KCNIP4: variants seen among roughly 807,000 people sequenced by gnomAD.
KCNIP4 encodes potassium voltage-gated channel interacting protein 4.
KCNIP4 carries 12 observed loss-of-function variants against 34.0 expected under a neutral mutation model. The ratio of observed to expected loss-of-function variants is 0.35; its 90% CI spans 0.23 to 0.57. The LOEUF (loss-of-function observed/expected upper bound fraction) is 0.57, where lower values mean the gene tolerates loss of function less well. Ranked by LOEUF, KCNIP4 falls within the 20% of genes least tolerant of loss-of-function variation. The pLI, the probability that KCNIP4 is intolerant of heterozygous loss-of-function variation, is 0.83. For missense variants in KCNIP4, 238 were observed against 311.7 expected (o/e 0.76, Z 1.78); for synonymous variants, 124 against 102.2 (o/e 1.21, Z -1.29).
In KCNIP4 at chr4:20,937,222, CTTTTTTTTTT is replaced by C. The variant is rs397992488; in HGVS notation, c.62-54523_62-54514del. Among the ~76,000 whole-genome samples the C allele has an allele frequency of 9.9e-3, 452 of 45,514 alleles. 4 individuals are homozygous for C. The highest frequency in any genetic ancestry group is 0.036 in the African/African-American group (427 of 11,926). The allele number at this position is 45,514 out of a possible 152,430, so 29.9% of individuals were successfully genotyped here. A position where few individuals can be genotyped will look rare whatever the true frequency, so the allele number is the denominator to read the frequency against. On this transcript the variant is annotated intron_variant, in intron 1 of 8. Transcript: ENST00000382152. The stretch of plus-strand genomic sequence containing the variant: ...TGAGCAAAAGGTGCCCCCAAGGAGT[CTTTTTTTTTT>C]TTTTTTTTTTTTTTTTTTTTGAGAC...
intron 1 of KCNIP4, among the ~76,000 whole-genome samples, chr4:21,491,259 A>G (rs763338517): frequency 3.3e-5 from 5 of 152,112 alleles, no homozygotes; most frequent in African/African-American, 9.7e-5. Context: ...TTTCTGGCCC[A>G]TGAAAACTTC....
At chr4:21,507,868 T>A (rs1733978118) in intron 1 of KCNIP4, among the ~76,000 whole-genome samples, 1 of 152,198 alleles carries the variant, frequency 6.6e-6, no homozygotes, top group African/African-American at 2.4e-5. Context: ...GGGCCCAGTT[T>A]ATGTGCAAGA....
At position 21,250,697 on chromosome 4, in the gene KCNIP4, C is replaced by T. The variant is rs530817705; in HGVS notation, c.62-367988G>A. On this transcript the variant is annotated intron_variant, in intron 1 of 8. Transcript: ENST00000382152. ...TTATGGGATGGAGGATTTAACAGAG[C>T]TGTGATTTAGAATTAATTGTTTGCT... 3.3e-5 allele frequency among the ~76,000 whole-genome samples: 5 copies of T among 151,992 alleles called. No homozygotes were observed. In the East Asian group the frequency reaches 9.7e-4, roughly 29 times the overall value.
rs146386168 is a variant in KCNIP4, at chr4:21,594,685, C to T, written c.61+353886G>A. 3.2e-3 allele frequency among the ~76,000 whole-genome samples: 482 copies of T among 151,798 alleles called. 3 individuals carry two copies. Among genetic ancestry groups the T allele is most frequent in the African/African-American group, 0.011 (460 of 41,260 alleles). On this transcript the variant is annotated intron_variant, in intron 1 of 8. Transcript: ENST00000382152. ...TTTGATCTCAGGAAGAAAAATGCTG[C>T]TCAGAGATAAAGATAATTTAAAAAT...
intron 1 of KCNIP4, among the ~76,000 whole-genome samples, chr4:21,595,894 G>T (rs1369103567): frequency 6.6e-6 from 1 of 152,060 alleles, no homozygotes; most frequent in East Asian, 1.9e-4. Context: ...GGAAAACTGA[G>T]AATCCCCAGG....
At chr4:21,336,340 C>T (rs1716178385) in intron 1 of KCNIP4, among the ~76,000 whole-genome samples, 1 of 151,988 alleles carries the variant, frequency 6.6e-6, no homozygotes. Context: ...CTGAGGGGTT[C>T]CCTAGAGTTA....
At chr4:21,579,567 T>C (rs1414134492) in intron 1 of KCNIP4, among the ~76,000 whole-genome samples, 1 of 152,134 alleles carries the variant, frequency 6.6e-6, no homozygotes, top group East Asian at 1.9e-4. Flanking sequence ...CCATGGATTG[T>C]TTCTCATCAT....
chr4:21,233,760 C>A (rs571276049), intron 1 of KCNIP4, among the ~76,000 whole-genome samples: 3 of 147,716 alleles, frequency 2.0e-5, no homozygotes, highest in South Asian at 4.2e-4. Context: ...ATCCACTGAC[C>A]TTCAAAATAT....
chr4:21,088,535 G>A (rs1746673811), intron 1 of KCNIP4, among the ~76,000 whole-genome samples: 1 of 151,910 alleles, frequency 6.6e-6, no homozygotes, highest in South Asian at 2.1e-4. Context: ...CCTTCTCATT[G>A]TCTATGAGAT....
At chr4:21,364,113 C>G (rs1719490443) in intron 1 of KCNIP4, among the ~76,000 whole-genome samples, 1 of 152,146 alleles carries the variant, frequency 6.6e-6, no homozygotes, top group South Asian at 2.1e-4. Context: ...TCATTGTTAA[C>G]ACTTAATTTC....
chr4:21,187,752 T>G (rs1755349158), intron 1 of KCNIP4, among the ~76,000 whole-genome samples: 1 of 152,090 alleles, frequency 6.6e-6, no homozygotes, highest in South Asian at 2.1e-4. Context: ...GATCATGCAC[T>G]CTCTATGCTC....
chr4:21,336,306 G>C (rs970676896), intron 1 of KCNIP4, among the ~76,000 whole-genome samples: 4 of 151,740 alleles, frequency 2.6e-5, no homozygotes, highest in Admixed American at 6.6e-5. Flanking sequence ...AAACATTCTT[G>C]TATCTATCTT....
At chr4:21,776,021 C>T (rs181654788) in intron 1 of KCNIP4, among the ~76,000 whole-genome samples, 1 of 152,336 alleles carries the variant, frequency 6.6e-6, no homozygotes, top group Admixed American at 6.5e-5. Context: ...AGCTGAGAGG[C>T]TGCAAGAATC....
intron 1 of KCNIP4, among the ~76,000 whole-genome samples, chr4:21,493,778 C>T (rs1467818631): frequency 6.6e-6 from 1 of 152,246 alleles, no homozygotes; most frequent in Non-Finnish European, 1.5e-5. Flanking sequence ...AGACTCCCTA[C>T]CATAATAAGA....
intron 1 of KCNIP4, among the ~76,000 whole-genome samples, chr4:21,170,976 G>T (rs545951911): frequency 6.6e-6 from 1 of 152,078 alleles, no homozygotes; most frequent in Non-Finnish European, 1.5e-5. Context: ...AAAGAGCTTT[G>T]CCTTAATATG....
intron 1 of KCNIP4, among the ~76,000 whole-genome samples, chr4:21,930,254 G>C (rs1438843342): frequency 6.6e-6 from 1 of 152,098 alleles, no homozygotes; most frequent in Non-Finnish European, 1.5e-5. Context: ...TTCTGATACA[G>C]ATTGTCTTCT....
At chr4:21,761,252 C>G (rs1718029118) in intron 1 of KCNIP4, among the ~76,000 whole-genome samples, 1 of 151,880 alleles carries the variant, frequency 6.6e-6, no homozygotes, top group South Asian at 2.1e-4. Context: ...CAAGACCTAT[C>G]TATAACCTTT....
intron 1 of KCNIP4, among the ~76,000 whole-genome samples, chr4:21,568,240 T>C (rs1229610034): frequency 6.6e-6 from 1 of 152,112 alleles, no homozygotes; most frequent in African/African-American, 2.4e-5. Flanking sequence ...TATTTGAAAA[T>C]AAGATCATTG....
At chr4:20,873,975 C>G (rs1025895449) in intron 2 of KCNIP4, among the ~76,000 whole-genome samples, 2 of 152,144 alleles carry the variant, frequency 1.3e-5, no homozygotes, top group African/African-American at 4.8e-5. Context: ...AATATTAACT[C>G]TTTGTGAAAT....
Sources: gnomAD v4.1 joint callset for allele counts (sites outside exome capture counted in the v4.1 genomes callset) on GRCh38, gnomAD v4.1.1 for gene constraint, MANE v1.5 for transcripts, NCBI Gene and HGNC (gene_info 2026-07-23, HGNC 2026-07-21) for gene names.